BOP1: variants seen among roughly 807,000 people sequenced by gnomAD.
BOP1 encodes the protein ribosome biogenesis protein BOP1.
BOP1 carries 54 observed loss-of-function variants against 82.9 expected under a neutral mutation model. The ratio of observed to expected loss-of-function variants is 0.65; its 90% CI spans 0.52 to 0.82. The LOEUF (loss-of-function observed/expected upper bound fraction) is 0.82. Ranked by LOEUF, BOP1 falls within the 40% of genes least tolerant of loss-of-function variation. BOP1 has a pLI of 0.00. For missense variants in BOP1, 1,170 were observed against 1,072.0 expected (o/e 1.09, Z -1.28); for synonymous variants, 566 against 451.1 (o/e 1.25, Z -3.23).
chr8:144,275,499 ACGC>A (rs1845556218), intron 3 of BOP1, among the ~76,000 whole-genome samples: 79 of 150,358 alleles, frequency 5.3e-4, no homozygotes, highest in African/African-American at 1.8e-3. Context: ...CAGCCTCTCC[ACGC>A]TGGCGGAGCC....
intron 3 of BOP1, chr8:144,266,690 A>T: frequency 8.1e-7 from 1 of 1,234,192 alleles, no homozygotes. Flanking sequence ...TCGGAGGACG[A>T]GGACCGCGGC....
intron 3 of BOP1, chr8:144,266,548 G>A (rs1845370539): frequency 6.0e-6 from 6 of 997,628 alleles, no homozygotes; most frequent in Non-Finnish European, 7.1e-6. Context: ...CGCGAGGCCC[G>A]CGGCGGCCGC....
chr8:144,268,004 G>C (rs1304637225), intron 3 of BOP1: 2 of 1,528,836 alleles, frequency 1.3e-6, no homozygotes, highest in Non-Finnish European at 1.8e-6. Context: ...GAGGTGCCTT[G>C]GCGCTGGCCA....
intron 2 of BOP1, among the ~76,000 whole-genome samples, chr8:144,286,812 C>T (rs4977201): frequency 0.52 from 78,565 of 151,966 alleles, 20,620 homozygotes; most frequent in Admixed American, 0.65. Context: ...TTGGAAAACA[C>T]CCTGCATGGG....
intron 2 of BOP1, among the ~76,000 whole-genome samples, chr8:144,277,507 T>C (rs1472820514): frequency 1.3e-5 from 2 of 152,250 alleles, no homozygotes; most frequent in Non-Finnish European, 2.9e-5. Flanking sequence ...CCCCTCACAG[T>C]GGCCGGGGCT....
chr8:144,281,786 T>G (rs1304797837), intron 2 of BOP1: 2 of 152,204 alleles, frequency 1.3e-5, no homozygotes, highest in Non-Finnish European at 2.9e-5. Context: ...GGTTTCACCA[T>G]GTTGGCCGGG....
chr8:144,291,389 C>G lies in BOP1; in HGVS notation c.-19G>C, dbSNP rs1484017121. ...CCGCCATGCCCCACCGCGCGCCGGC[C>G]GCCACCCGCACAGCCGCTTCCGACA... On this transcript the variant is annotated 5_prime_UTR_variant, in exon 1 of 16. Transcript: ENST00000569669. This position sits in a 1 kb window ranked among gnomAD's most constrained non-coding sequence, Gnocchi z 4.1. 8.5e-7 allele frequency: 1 copy of G among 1,179,072 alleles called. No individual in the cohort carries two copies. 73.0% of individuals were successfully genotyped at this position (1,179,072 alleles called of 1,614,324 possible).
At chr8:144,287,607 C>T (rs1814919310) in intron 2 of BOP1, among the ~76,000 whole-genome samples, 1 of 152,106 alleles carries the variant, frequency 6.6e-6, no homozygotes, top group South Asian at 2.1e-4. Flanking sequence ...TCAGGAGATC[C>T]TCCCACTTTG....
intron 3 of BOP1, among the ~76,000 whole-genome samples, chr8:144,270,279 C>G (rs1167349808): frequency 6.6e-6 from 1 of 152,106 alleles, no homozygotes; most frequent in Admixed American, 6.5e-5. Flanking sequence ...GAGGTCTGGG[C>G]AGGGTCAAGA....
intron 2 of BOP1, among the ~76,000 whole-genome samples, chr8:144,286,954 A>G (rs1554839539): frequency 6.6e-6 from 1 of 152,248 alleles, no homozygotes; most frequent in African/African-American, 2.4e-5. Context: ...GCGCCTCCCT[A>G]GACTCCGCAG....
At position 144,263,153 on chromosome 8, in the gene BOP1, CA is replaced by C. The variant is rs1375749981; in HGVS notation, c.1606-13del. The C allele has an allele frequency of 6.3e-7, 1 of 1,593,370 alleles. No homozygotes were observed. Among genetic ancestry groups the C allele is most frequent in the Non-Finnish European group, 8.5e-7 (1 of 1,178,772 alleles). On this transcript the variant is annotated splice_polypyrimidine_tract_variant and intron_variant, in intron 12 of 15. Transcript: ENST00000569669. Reference sequence around the variant, plus strand: ...ACCTGCGTCACTGGCTGCAGGAGAGCAAGGCTGGCTGAGTGGCTGAGCCGGG... The same window carrying C: ...ACCTGCGTCACTGGCTGCAGGAGAGCAGGCTGGCTGAGTGGCTGAGCCGGG...
chr8:144,268,316 G>A (rs1047707974), intron 3 of BOP1: 16 of 902,526 alleles, frequency 1.8e-5, no homozygotes, highest in Middle Eastern at 3.4e-4. Flanking sequence ...ACAGACAGGC[G>A]CCGGCAGCGG....
At chr8:144,263,952 C>A in intron 8 of BOP1, 29 bp downstream of exon 8, 2 of 1,611,220 alleles carry the variant, frequency 1.2e-6, no homozygotes, top group Non-Finnish European at 1.7e-6. Context: ...CCCCCTGTGC[C>A]ACCCCCCTGG....
chr8:144,274,298 A>G (rs1845537602), intron 3 of BOP1, among the ~76,000 whole-genome samples: 1 of 152,160 alleles, frequency 6.6e-6, no homozygotes, highest in South Asian at 2.1e-4. Flanking sequence ...CCCAGTGCCG[A>G]GGAGGACCAT....
At chr8:144,268,201 G>A in intron 3 of BOP1, 8 of 1,547,480 alleles carry the variant, frequency 5.2e-6, no homozygotes, top group Non-Finnish European at 7.0e-6. Context: ...CGCCCGGGGT[G>A]ACTGCAGACA....
chr8:144,270,553 C>T (rs1007532373), intron 3 of BOP1, among the ~76,000 whole-genome samples: 1 of 152,078 alleles, frequency 6.6e-6, no homozygotes, highest in Non-Finnish European at 1.5e-5. Context: ...CCGGTAGCAG[C>T]GGCCGAGGGC....
In BOP1 at chr8:144,291,267, G is replaced by C; in HGVS notation, c.99+5C>G. The C allele has an allele frequency of 6.9e-7, 1 of 1,456,238 alleles. No individual in the cohort carries two copies. Among genetic ancestry groups the C allele is most frequent in the Non-Finnish European group, 9.0e-7 (1 of 1,106,228 alleles). The allele number at this position is 1,456,238 out of a possible 1,614,324, so 90.2% of individuals were successfully genotyped here. A position where few individuals can be genotyped will look rare whatever the true frequency, so the allele number is the denominator to read the frequency against. On this transcript the variant is annotated splice_donor_5th_base_variant and intron_variant, in intron 1 of 15. Coordinates refer to ENST00000569669, the MANE Select transcript of BOP1 (RefSeq NM_015201.5). This position sits in a 1 kb window ranked among gnomAD's most constrained non-coding sequence, Gnocchi z 4.1. ...CGCCCCGCCGCCCCGCATCGCCACA[G>C]TCACCTCCGGCTCGGGCTCAGGCTC...
At chr8:144,275,282 T>A (rs1179057560) in intron 3 of BOP1, among the ~76,000 whole-genome samples, 1 of 152,110 alleles carries the variant, frequency 6.6e-6, no homozygotes, top group African/African-American at 2.4e-5. Context: ...ACCACAGTCC[T>A]ACCCTGGGGC....
intron 3 of BOP1, chr8:144,266,443 G>A (rs1290257977): frequency 1.1e-6 from 1 of 941,548 alleles, no homozygotes; most frequent in African/African-American, 1.8e-5. Context: ...GCAGCTCGGG[G>A]CCCCGCTCCG....
Sources: gnomAD v4.1 joint callset for allele counts (sites outside exome capture counted in the v4.1 genomes callset) on GRCh38, gnomAD v4.1.1 for gene constraint, Gnocchi (gnomAD v3.1) non-coding constraint, MANE v1.5 for transcripts, NCBI Gene and HGNC (gene_info 2026-07-23, HGNC 2026-07-21) for gene names.